SUSD5: variants seen among roughly 807,000 people sequenced by gnomAD.
SUSD5 encodes the protein sushi domain containing 5.
SUSD5 carries 33 observed loss-of-function variants against 29.5 expected under a neutral mutation model. The ratio of observed to expected loss-of-function variants is 1.12; its 90% confidence interval spans 0.85 to 1.49. The LOEUF is 1.49. SUSD5 is among the 40% of genes most tolerant of loss of function. SUSD5 has a pLI of 0.00. For missense variants in SUSD5, 776 were observed against 800.6 expected, an observed-to-expected ratio of 0.97 and a Z score of 0.37; for synonymous variants, 308 against 325.3, an observed-to-expected ratio of 0.95 and a Z score of 0.57.
chr3:33,174,622 T>C (rs762312827), intron 4 of SUSD5, among the ~76,000 whole-genome samples: 3 of 152,212 alleles, frequency 2.0e-5, no homozygotes, highest in Non-Finnish European at 4.4e-5. Context: ...CAAGGTCAAC[T>C]GTGTACTTAG....
intron 4 of SUSD5, among the ~76,000 whole-genome samples, chr3:33,162,996 CA>C (rs1167154738): frequency 6.6e-6 from 1 of 151,036 alleles, no homozygotes; most frequent in Non-Finnish European, 1.5e-5. Flanking sequence ...TACAACTTAC[CA>C]AAAGTGACAC....
chr3:33,173,864 G>C (rs1324915289), intron 4 of SUSD5, among the ~76,000 whole-genome samples: 20 of 152,202 alleles, frequency 1.3e-4, no homozygotes, highest in Admixed American at 1.0e-3. Context: ...GTCAGCCATG[G>C]GGCTGCCCCA....
chr3:33,153,341 T>C lies in SUSD5; in HGVS notation c.1291A>G (p.Met431Val). Residue 431 changes from methionine (M) to valine (V), a missense_variant, in exon 5 of 5, where the codon ATG (methionine) becomes GTG (valine). Coordinates refer to ENST00000309558, the MANE Select transcript of SUSD5 (RefSeq NM_015551.2). ...KSSTLTPSEG[M>V]THSSVLPSQM... ...GATGGAAGAACTGAACTATGGGTCA[T>C]GCCCTCGCTTGGTGTGAGGGTGCTA... 1.2e-6 allele frequency: 2 copies of C among 1,613,962 alleles called. No individual in the cohort carries two copies. Among genetic ancestry groups the C allele is most frequent in the South Asian group, 2.2e-5 (2 of 91,072 alleles).
rs973792264 is a variant in SUSD5, at chr3:33,152,588, T to G, written c.*154A>C. 10 of 783,286 alleles carry G rather than the reference T, an allele frequency of 1.3e-5. No individual in the cohort carries two copies. The highest frequency in any genetic ancestry group is 2.0e-5 in the Non-Finnish European group (10 of 499,878). The allele number at this position is 783,286 out of a possible 1,614,324, so 48.5% of individuals were successfully genotyped here. Reference sequence around the variant, plus strand: ...ACCAAAGCCTCCCTGCCCTCCCAGGTGCTCCAGAGACACTTCTCAGCCTAT... The same window carrying G: ...ACCAAAGCCTCCCTGCCCTCCCAGGGGCTCCAGAGACACTTCTCAGCCTAT... On this transcript the variant is annotated 3_prime_UTR_variant, in exon 5 of 5. Coordinates refer to ENST00000309558, the MANE Select transcript of SUSD5 (RefSeq NM_015551.2).
chr3:33,218,428 C>G (rs887242551), intron 1 of SUSD5, among the ~76,000 whole-genome samples: 1 of 152,240 alleles, frequency 6.6e-6, no homozygotes, highest in African/African-American at 2.4e-5. Context: ...GGAAAGCCAG[C>G]GGCGGGACTG....
In SUSD5 at chr3:33,152,543, T is replaced by G. The variant is rs1015432327; in HGVS notation, c.*199A>C. ...TCCAGGGCAGATGGTGGAGGAGACA[T>G]TGACATGAGTGATGATGTCACCAAA... On this transcript the variant is annotated 3_prime_UTR_variant, in exon 5 of 5. Coordinates refer to ENST00000309558, the MANE Select transcript of SUSD5 (RefSeq NM_015551.2). 1 of 586,504 alleles carries G rather than the reference T, an allele frequency of 1.7e-6. No homozygotes were observed. Among genetic ancestry groups the G allele is most frequent in the African/African-American group, 1.9e-5 (1 of 53,634 alleles). 36.3% of individuals were successfully genotyped at this position (586,504 alleles called of 1,614,324 possible). A position where few individuals can be genotyped will look rare whatever the true frequency, so the allele number is the denominator to read the frequency against.
intron 4 of SUSD5, among the ~76,000 whole-genome samples, chr3:33,166,686 C>T (rs573460792): frequency 6.6e-6 from 1 of 152,168 alleles, no homozygotes; most frequent in East Asian, 1.9e-4. Flanking sequence ...TAAATGTTTG[C>T]TGAATAAATA....
chr3:33,171,724 G>A (rs1193814079), intron 4 of SUSD5, among the ~76,000 whole-genome samples: 1 of 152,102 alleles, frequency 6.6e-6, no homozygotes, highest in African/African-American at 2.4e-5. Context: ...CATACACACT[G>A]AAAACACAAG....
intron 4 of SUSD5, among the ~76,000 whole-genome samples, chr3:33,164,353 A>T (rs1320323368): frequency 6.6e-6 from 1 of 152,174 alleles, no homozygotes; most frequent in Non-Finnish European, 1.5e-5. Context: ...AAAAAGAAGA[A>T]GTTTTATTTA....
At chr3:33,158,049 T>C (rs1339263363) in intron 4 of SUSD5, among the ~76,000 whole-genome samples, 1 of 152,248 alleles carries the variant, frequency 6.6e-6, no homozygotes, top group African/African-American at 2.4e-5. Flanking sequence ...ATAGGTATTC[T>C]TATAGGTATT....
rs2031508216 is a variant in SUSD5, at chr3:33,174,761, G to A, written c.598+125C>T. The A allele has an allele frequency of 5.6e-6, 6 of 1,065,002 alleles. No individual in the cohort carries two copies. In the Admixed American group the frequency reaches 9.6e-5, roughly 17 times the overall value. The allele number at this position is 1,065,002 out of a possible 1,614,324, so 66.0% of individuals were successfully genotyped here. ...GCTAGGTCCAGAGCTCAGGATAAAG[G>A]TCTGAAAGCCTCTTTTCAAAGGCAC... On this transcript the variant is annotated intron_variant, in intron 4 of 4. Transcript: ENST00000309558.
At chr3:33,161,732 A>G (rs1208229680) in intron 4 of SUSD5, among the ~76,000 whole-genome samples, 1 of 152,188 alleles carries the variant, frequency 6.6e-6, no homozygotes, top group African/African-American at 2.4e-5. Flanking sequence ...AATACTTAGT[A>G]GAGATAAAGA....
intron 3 of SUSD5, among the ~76,000 whole-genome samples, chr3:33,188,414 TG>T (rs1356456587): frequency 6.6e-6 from 1 of 152,152 alleles, no homozygotes; most frequent in Non-Finnish European, 1.5e-5. Context: ...CAACCAGCAT[TG>T]TCCTCCCCAA....
Position 33,207,793 on chromosome 3 carries a change from G to T in SUSD5, c.409+15C>A, listed in dbSNP as rs1458689204. ...GCACACCCTCCAGCACCTTTAAGAA[G>T]ACTCTGGCACTGACCTTCATCCTTA... On this transcript the variant is annotated intron_variant, in intron 3 of 4. Coordinates refer to ENST00000309558, the MANE Select transcript of SUSD5 (RefSeq NM_015551.2). The T allele has an allele frequency of 3.2e-6, 5 of 1,572,362 alleles. No homozygotes were observed. Among genetic ancestry groups the T allele is most frequent in the Non-Finnish European group, 4.4e-6 (5 of 1,147,236 alleles).
chr3:33,200,395 T>C (rs886321836), intron 3 of SUSD5, among the ~76,000 whole-genome samples: 7 of 152,176 alleles, frequency 4.6e-5, no homozygotes, highest in African/African-American at 1.7e-4. Context: ...TACCTAAAAA[T>C]ATGGATTCAG....
At chr3:33,192,072 T>G (rs559578694) in intron 3 of SUSD5, among the ~76,000 whole-genome samples, 1 of 144,924 alleles carries the variant, frequency 6.9e-6, no homozygotes, top group East Asian at 2.0e-4. Flanking sequence ...CTTATATTAA[T>G]GCGCATATTT....
intron 3 of SUSD5, among the ~76,000 whole-genome samples, chr3:33,193,958 C>A (rs950602101): frequency 6.6e-6 from 1 of 152,182 alleles, no homozygotes; most frequent in African/African-American, 2.4e-5. Context: ...AAATTATGGC[C>A]CAGAAGACAT....
chr3:33,216,684 A>G (rs2032433127), intron 1 of SUSD5, among the ~76,000 whole-genome samples: 1 of 152,186 alleles, frequency 6.6e-6, no homozygotes, highest in Non-Finnish European at 1.5e-5. Flanking sequence ...GTTTTTAGAA[A>G]TAGTTTCTCT....
chr3:33,163,932 G>A (rs957868482), intron 4 of SUSD5, among the ~76,000 whole-genome samples: 27 of 152,128 alleles, frequency 1.8e-4, no homozygotes, highest in Admixed American at 3.9e-4. Flanking sequence ...CCCGGGAGGC[G>A]GAGCTTGCAG....
Sources: allele counts gnomAD v4.1 joint callset (sites outside exome capture counted in the v4.1 genomes callset), GRCh38; gene constraint gnomAD v4.1.1; transcripts MANE v1.5; gene names NCBI Gene and HGNC (gene_info 2026-07-23, HGNC 2026-07-21).